PCDHA8: variants seen among roughly 807,000 people sequenced by gnomAD.
The protein encoded by PCDHA8 is protocadherin alpha 8.
PCDHA8 carries 53 observed loss-of-function variants against 61.8 expected under a neutral mutation model. The ratio of observed to expected loss-of-function variants is 0.86; its 90% CI spans 0.69 to 1.08. The LOEUF (loss-of-function observed/expected upper bound fraction) is 1.08. Ranked by LOEUF, PCDHA8 falls within the 50% of genes least tolerant of loss-of-function variation. The pLI is 0.00. For missense variants in PCDHA8, 1,293 were observed against 1,245.0 expected (o/e 1.04, Z -0.58); for synonymous variants, 618 against 556.6 (o/e 1.11, Z -1.55).
At chr5:140,876,947 A>G in intron 1 of PCDHA8, 5 of 1,613,496 alleles carry the variant, frequency 3.1e-6, no homozygotes, top group South Asian at 1.1e-5. Flanking sequence ...CTGGTGTCCT[A>G]CTCGCTGGTG....
At chr5:140,940,600 G>A (rs576348550) in intron 1 of PCDHA8, among the ~76,000 whole-genome samples, 36 of 152,074 alleles carry the variant, frequency 2.4e-4, no homozygotes, top group African/African-American at 8.4e-4. Flanking sequence ...GGCATGAGCC[G>A]CTGCTCCTGG....
chr5:140,996,814 G>T (rs1186688734), intron 3 of PCDHA8, among the ~76,000 whole-genome samples: 1 of 152,144 alleles, frequency 6.6e-6, no homozygotes, highest in African/African-American at 2.4e-5. Flanking sequence ...CTTTCCAAAA[G>T]TAACCACTAC....
intron 1 of PCDHA8, among the ~76,000 whole-genome samples, chr5:140,961,726 A>ACAAT (rs1470566144): frequency 1.4e-4 from 21 of 152,270 alleles, no homozygotes; most frequent in African/African-American, 4.8e-4. Flanking sequence ...GTGCTCATAA[A>ACAAT]CAATCACTTT....
At chr5:140,953,258 T>C (rs1042358653) in intron 1 of PCDHA8, among the ~76,000 whole-genome samples, 22 of 152,304 alleles carry the variant, frequency 1.4e-4, no homozygotes, top group African/African-American at 5.3e-4. Context: ...TTAGTTCTTT[T>C]AGCTTTAGCC....
chr5:140,876,618 T>C (rs781928314), intron 1 of PCDHA8: 7 of 1,614,074 alleles, frequency 4.3e-6, no homozygotes, highest in African/African-American at 1.3e-5. Flanking sequence ...CTGGAGCCAA[T>C]GGACAGGTCA....
At chr5:140,988,860 T>C (rs1270376752) in intron 3 of PCDHA8, 2 of 152,204 alleles carry the variant, frequency 1.3e-5, no homozygotes, top group South Asian at 2.1e-4. Flanking sequence ...TCCAGTCTCA[T>C]GTGCACTCAG....
chr5:140,906,846 G>T (rs2072987315), intron 1 of PCDHA8, among the ~76,000 whole-genome samples: 1 of 152,186 alleles, frequency 6.6e-6, no homozygotes, highest in Non-Finnish European at 1.5e-5. Context: ...CATCTTGAGA[G>T]TCTGGGTCAG....
At chr5:140,895,197 T>C (rs782373000) in intron 1 of PCDHA8, among the ~76,000 whole-genome samples, 2 of 152,182 alleles carry the variant, frequency 1.3e-5, no homozygotes, top group Non-Finnish European at 1.5e-5. Flanking sequence ...AAGTTTTGAA[T>C]TTGCTTTTAT....
In PCDHA8 at chr5:140,852,152, C is replaced by T. The variant is rs1163475400; in HGVS notation, c.2394+8437C>T. The T allele has an allele frequency of 5.8e-6, 5 of 861,034 alleles. 1 individual carries two copies. The highest frequency in any genetic ancestry group is 1.2e-3 in the Middle Eastern group (2 of 1,666). The allele number at this position is 861,034 out of a possible 1,614,324, so 53.3% of individuals were successfully genotyped here. ...CTCAGTAGAGAAAGATCAGAATGGC[C>T]TTGAGAATAGAGCCACAAAAATAAC... On this transcript the variant is annotated intron_variant, in intron 1 of 3. Transcript: ENST00000531613.
intron 1 of PCDHA8, chr5:140,881,502 A>G: frequency 1.2e-5 from 3 of 249,864 alleles, no homozygotes; most frequent in Non-Finnish European, 1.9e-5. Context: ...ACATACACAC[A>G]CTCACATACA....
In PCDHA8 at chr5:140,863,367, G is replaced by A. The variant is rs782714685; in HGVS notation, c.2394+19652G>A. The A allele has an allele frequency of 1.5e-5, 18 of 1,191,312 alleles. No homozygotes were observed. The East Asian group carries it at 5.3e-4, about 35-fold the overall frequency. The allele number at this position is 1,191,312 out of a possible 1,614,324, so 73.8% of individuals were successfully genotyped here. A position where few individuals can be genotyped will look rare whatever the true frequency, so the allele number is the denominator to read the frequency against. ...TGTACACGACGCTGCGGTGCTTGGC[G>A]CAGCTCACCGAGAGCTCGTGCATGC... is the stretch of plus-strand genomic sequence containing the variant. On this transcript the variant is annotated intron_variant, in intron 1 of 3. Transcript: ENST00000531613.
intron 1 of PCDHA8, chr5:140,928,471 G>A: frequency 6.2e-7 from 1 of 1,614,148 alleles, no homozygotes; most frequent in South Asian, 1.1e-5. Context: ...CCAAGTAGAA[G>A]GCCGGGATGG....
chr5:140,861,090 T>C (rs1449145259), intron 1 of PCDHA8: 1 of 152,308 alleles, frequency 6.6e-6, no homozygotes, highest in African/African-American at 2.4e-5. Flanking sequence ...GAAGCTCCAT[T>C]GTTCCTGTAC....
chr5:140,998,003 T>C (rs2097793100), intron 3 of PCDHA8, among the ~76,000 whole-genome samples: 1 of 152,134 alleles, frequency 6.6e-6, no homozygotes, highest in Admixed American at 6.6e-5. Context: ...CCTCTGAGCC[T>C]TCCATCCCCA....
At chr5:140,902,400 C>T (rs2069421777) in intron 1 of PCDHA8, among the ~76,000 whole-genome samples, 1 of 151,930 alleles carries the variant, frequency 6.6e-6, no homozygotes, top group South Asian at 2.1e-4. Flanking sequence ...ATGTTGAATA[C>T]TATGTTGAAT....
intron 1 of PCDHA8, chr5:140,851,438 T>A (rs2042059755): frequency 1.1e-6 from 1 of 928,024 alleles, no homozygotes; most frequent in African/African-American, 1.8e-5. Flanking sequence ...AGAAAACAGT[T>A]GCTCCACTTT....
intron 1 of PCDHA8, chr5:140,883,056 A>G (rs1554176597): frequency 6.2e-7 from 1 of 1,614,176 alleles, no homozygotes; most frequent in Admixed American, 1.7e-5. Context: ...TTAGTGATCA[A>G]GCTAAATGCC....
intron 1 of PCDHA8, among the ~76,000 whole-genome samples, chr5:140,905,257 C>T (rs920530176): frequency 6.6e-6 from 1 of 152,168 alleles, no homozygotes; most frequent in African/African-American, 2.4e-5. Context: ...CCACATGAGG[C>T]TTGGCAGTTA....
Position 140,882,649 on chromosome 5 carries a change from C to T in PCDHA8, c.2394+38934C>T, listed in dbSNP as rs559940161. On this transcript the variant is annotated intron_variant, in intron 1 of 3. Transcript: ENST00000531613. ...TGGAGGTGAAGGTGAGGGACATTAA[C>T]GACAACCCGCCCATATTCCCTGAAA... The T allele has an allele frequency of 6.2e-6, 10 of 1,614,214 alleles. No individual in the cohort carries two copies. In the African/African-American group the frequency reaches 1.1e-4, roughly 17 times the overall value.
Sources: allele counts gnomAD v4.1 joint callset (sites outside exome capture counted in the v4.1 genomes callset), GRCh38; gene constraint gnomAD v4.1.1; transcripts MANE v1.5; gene names NCBI Gene and HGNC (gene_info 2026-07-23, HGNC 2026-07-21).